The following GABRB2 variants were observed in gnomAD, a reference collection of about 807,000 sequenced individuals.
The protein encoded by GABRB2 is gamma-aminobutyric acid receptor subunit beta-2.
GABRB2 carries 16 observed loss-of-function variants against 54.7 expected under a neutral mutation model. The ratio of observed to expected loss-of-function variants is 0.29; its 90% CI spans 0.20 to 0.44. GABRB2 has a LOEUF of 0.44. Among genes scored for constraint, GABRB2 ranks in the 20% least tolerant of loss-of-function variants. The pLI is 1.00. For missense variants in GABRB2, 355 were observed against 644.0 expected (o/e 0.55, Z 4.86); for synonymous variants, 244 against 233.8 (o/e 1.04, Z -0.40).
At chr5:161,514,953 C>G (rs1436493861) in intron 3 of GABRB2, among the ~76,000 whole-genome samples, 1 of 152,146 alleles carries the variant, frequency 6.6e-6, no homozygotes, top group African/African-American at 2.4e-5. Context: ...TGAACCCAAG[C>G]CTTACCAGAG....
chr5:161,495,001 T>A (rs918771762), intron 3 of GABRB2, among the ~76,000 whole-genome samples: 2 of 152,022 alleles, frequency 1.3e-5, no homozygotes, highest in Non-Finnish European at 2.9e-5. Flanking sequence ...ACATTTGAAA[T>A]TCTAATTGAA....
chr5:161,443,753 T>C (rs1234287740), intron 4 of GABRB2, among the ~76,000 whole-genome samples: 4 of 152,196 alleles, frequency 2.6e-5, no homozygotes, highest in African/African-American at 9.6e-5. Context: ...ATTTTTCTCC[T>C]CCTTGGTAAC....
At chr5:161,528,711 A>G (rs890061312) in intron 3 of GABRB2, among the ~76,000 whole-genome samples, 9 of 151,912 alleles carry the variant, frequency 5.9e-5, no homozygotes, top group Non-Finnish European at 8.8e-5. Context: ...AATATTAGGC[A>G]TATATGTAGT....
At chr5:161,404,255 A>G (rs1756284403) in intron 5 of GABRB2, among the ~76,000 whole-genome samples, 1 of 152,118 alleles carries the variant, frequency 6.6e-6, no homozygotes, top group South Asian at 2.1e-4. Context: ...CACTTCCACA[A>G]CACTGGACAC....
Position 161,546,685 on chromosome 5 carries a change from G to A in GABRB2, c.-42C>T. The A allele has an allele frequency of 6.4e-7, 1 of 1,559,504 alleles. No individual in the cohort carries two copies. Among genetic ancestry groups the A allele is most frequent in the Non-Finnish European group, 8.7e-7 (1 of 1,150,546 alleles). On this transcript the variant is annotated 5_prime_UTR_variant, in exon 1 of 10. Transcript: ENST00000393959. ...GGAATTGAGGGTTTCACTGAAGAGA[G>A]GAGATCCAACTTAGTCTGCCCAGTG...
intron 5 of GABRB2, among the ~76,000 whole-genome samples, chr5:161,373,829 A>G (rs1312195083): frequency 6.6e-6 from 1 of 152,002 alleles, no homozygotes; most frequent in Non-Finnish European, 1.5e-5. Flanking sequence ...TATTCTCTAA[A>G]CCACAGTGCT....
At chr5:161,343,144 T>A (rs1754221958) in intron 5 of GABRB2, among the ~76,000 whole-genome samples, 2 of 152,062 alleles carry the variant, frequency 1.3e-5, no homozygotes, top group African/African-American at 4.8e-5. Context: ...CCAAAGACAC[T>A]CTGAGTGATT....
At chr5:161,463,551 T>A (rs2962418) in intron 3 of GABRB2, among the ~76,000 whole-genome samples, 1,207 of 29,796 alleles carry the variant, frequency 0.041, 46 homozygotes, top group East Asian at 0.15. Context: ...CCAAATATTT[T>A]TATTTATATA....
chr5:161,536,789 G>A (rs1460560082), intron 3 of GABRB2, among the ~76,000 whole-genome samples: 3 of 151,954 alleles, frequency 2.0e-5, no homozygotes, highest in East Asian at 1.9e-4. Context: ...TTAGAGACGG[G>A]GTTTTGTAAT....
chr5:161,410,206 A>C (rs1756466184), intron 5 of GABRB2, among the ~76,000 whole-genome samples: 1 of 152,120 alleles, frequency 6.6e-6, no homozygotes, highest in African/African-American at 2.4e-5. Context: ...AGTGACAGAG[A>C]CTCAAAATGT....
At chr5:161,331,698 G>A (rs1753849496) in intron 7 of GABRB2, among the ~76,000 whole-genome samples, 1 of 152,068 alleles carries the variant, frequency 6.6e-6, no homozygotes, top group Non-Finnish European at 1.5e-5. Flanking sequence ...GGGAAGAATC[G>A]TGAGAAGACT....
At chr5:161,460,413 T>C (rs1758088168) in intron 3 of GABRB2, among the ~76,000 whole-genome samples, 1 of 152,206 alleles carries the variant, frequency 6.6e-6, no homozygotes, top group South Asian at 2.1e-4. Context: ...TGGTGGGCAC[T>C]ATGAATACAG....
chr5:161,332,469 G>T (rs1034272153), intron 7 of GABRB2, among the ~76,000 whole-genome samples: 1 of 152,150 alleles, frequency 6.6e-6, no homozygotes, highest in Non-Finnish European at 1.5e-5. Context: ...GGCTGTAATT[G>T]TTTGTCCTGT....
chr5:161,450,969 TG>T (rs1420516422), intron 4 of GABRB2, among the ~76,000 whole-genome samples: 3 of 152,104 alleles, frequency 2.0e-5, no homozygotes, highest in Non-Finnish European at 4.4e-5. Context: ...AAATCTCTTT[TG>T]TTCTGCTTGA....
chr5:161,523,525 C>A (rs889093495), intron 3 of GABRB2, among the ~76,000 whole-genome samples: 3 of 151,136 alleles, frequency 2.0e-5, no homozygotes, highest in Admixed American at 6.6e-5. Flanking sequence ...GAAATTACAA[C>A]AATTTCAGAT....
At chr5:161,418,667 C>T (rs538529890) in intron 4 of GABRB2, among the ~76,000 whole-genome samples, 1 of 152,214 alleles carries the variant, frequency 6.6e-6, no homozygotes, top group East Asian at 1.9e-4. Flanking sequence ...AACCAAAGGG[C>T]TTCTGCACAG....
At chr5:161,428,386 A>T (rs992044697) in intron 4 of GABRB2, among the ~76,000 whole-genome samples, 7 of 151,776 alleles carry the variant, frequency 4.6e-5, no homozygotes, top group Admixed American at 1.3e-4. Context: ...TATAGTCTTC[A>T]TGCAGAACAT....
At position 161,424,520 on chromosome 5, in the gene GABRB2, C is replaced by G. The variant is rs77397820; in HGVS notation, c.459-13463G>C. On this transcript the variant is annotated intron_variant, in intron 4 of 9. Coordinates refer to ENST00000393959, the MANE Select transcript of GABRB2 (RefSeq NM_001371727.1). ...AGACAAAGCCAGGATAATAGCACAT[C>G]TGTTTACAGCATGATTTACTAACTA... Among the ~76,000 whole-genome samples, 360 of 152,248 alleles carry G rather than the reference C, an allele frequency of 2.4e-3. 2 individuals carry two copies. The highest frequency in any genetic ancestry group is 8.1e-3 in the African/African-American group (336 of 41,564).
At chr5:161,341,899 T>C (rs1754169626) in intron 5 of GABRB2, among the ~76,000 whole-genome samples, 1 of 146,004 alleles carries the variant, frequency 6.8e-6, no homozygotes, top group Non-Finnish European at 1.5e-5. Context: ...TGAGAACATT[T>C]AGAAGAGGTG....
Sources: gnomAD v4.1 joint callset for allele counts (sites outside exome capture counted in the v4.1 genomes callset) on GRCh38, gnomAD v4.1.1 for gene constraint, MANE v1.5 for transcripts, NCBI Gene and HGNC (gene_info 2026-07-23, HGNC 2026-07-21) for gene names.